Variants in SUMF1 observed in about 807,000 individuals in gnomAD.
The protein encoded by SUMF1 is formylglycine-generating enzyme.
In SUMF1, 48 loss-of-function variants were observed where a neutral mutation model predicts 47.6. The ratio of observed to expected loss-of-function variants is 1.01; its 90% CI spans 0.80 to 1.28. The LOEUF (loss-of-function observed/expected upper bound fraction) is 1.28, where lower values mean the gene tolerates loss of function less well. Ranked by LOEUF, SUMF1 falls within the 50% of genes most tolerant of loss-of-function variation. The probability of loss-of-function intolerance (pLI) is 0.00; values close to 1 mark genes in which losing one functional copy is unlikely to be tolerated. For missense variants in SUMF1, 571 were observed against 485.4 expected (o/e 1.18, Z -1.66); for synonymous variants, 230 against 192.1 (o/e 1.20, Z -1.63).
chr3:4,443,916 A>G (rs1261227107), intron 3 of SUMF1, among the ~76,000 whole-genome samples: 6 of 152,186 alleles, frequency 3.9e-5, no homozygotes, highest in African/African-American at 1.4e-4. Context: ...AAAGTATAAC[A>G]GAAAAATTTC....
intron 9 of SUMF1, among the ~76,000 whole-genome samples, chr3:4,066,565 A>T (rs1467981878): frequency 6.6e-6 from 1 of 152,068 alleles, no homozygotes; most frequent in Non-Finnish European, 1.5e-5. Context: ...AACTCACCAG[A>T]TCGGTGAGAT....
chr3:4,448,241 T>C (rs1702850144), intron 3 of SUMF1, among the ~76,000 whole-genome samples: 1 of 152,170 alleles, frequency 6.6e-6, no homozygotes, highest in South Asian at 2.1e-4. Context: ...TTCCCCCACA[T>C]TTTTCTATAT....
At chr3:4,131,927 T>C (rs1380439836) in intron 8 of SUMF1, among the ~76,000 whole-genome samples, 1 of 152,126 alleles carries the variant, frequency 6.6e-6, no homozygotes, top group African/African-American at 2.4e-5. Flanking sequence ...ACACATGGGC[T>C]CAGCAACATG....
chr3:4,240,726 TG>T (rs1696517106), intron 8 of SUMF1, among the ~76,000 whole-genome samples: 1 of 151,988 alleles, frequency 6.6e-6, no homozygotes, highest in Non-Finnish European at 1.5e-5. Context: ...TTTTAAGTAT[TG>T]TTTTTAAATA....
chr3:4,204,779 A>AT (rs1162111356), intron 8 of SUMF1, among the ~76,000 whole-genome samples: 1 of 150,620 alleles, frequency 6.6e-6, no homozygotes, highest in East Asian at 2.0e-4. Flanking sequence ...ACACTGATGT[A>AT]TTTTTTCAGT....
intron 8 of SUMF1, among the ~76,000 whole-genome samples, chr3:4,136,831 C>A (rs1033033910): frequency 6.6e-6 from 1 of 152,008 alleles, no homozygotes; most frequent in Non-Finnish European, 1.5e-5. Flanking sequence ...AGACACTTCT[C>A]CAAAGAAGAC....
intron 8 of SUMF1, among the ~76,000 whole-genome samples, chr3:4,181,648 G>C (rs980490238): frequency 6.6e-6 from 1 of 152,016 alleles, no homozygotes; most frequent in African/African-American, 2.4e-5. Flanking sequence ...ATAATGCCAT[G>C]ATTTTTTGAG....
intron 8 of SUMF1, among the ~76,000 whole-genome samples, chr3:4,260,473 T>G (rs941756115): frequency 6.6e-6 from 1 of 152,228 alleles, no homozygotes; most frequent in Non-Finnish European, 1.5e-5. Context: ...CCAATCTACA[T>G]GACTTTGAGC....
chr3:4,113,487 C>T (rs1253669446), intron 8 of SUMF1, among the ~76,000 whole-genome samples: 1 of 152,028 alleles, frequency 6.6e-6, no homozygotes, highest in African/African-American at 2.4e-5. Context: ...ATGATGGTGT[C>T]ACTGCTCTCC....
chr3:4,218,676 G>T (rs1205759185), intron 8 of SUMF1, among the ~76,000 whole-genome samples: 1 of 152,146 alleles, frequency 6.6e-6, no homozygotes, highest in South Asian at 2.1e-4. Context: ...TCGTGTGAGA[G>T]CATCAGTTTA....
chr3:4,233,547 A>G (rs1696346971), intron 8 of SUMF1, among the ~76,000 whole-genome samples: 1 of 152,094 alleles, frequency 6.6e-6, no homozygotes, highest in African/African-American at 2.4e-5. Context: ...TTTAACATAA[A>G]CAAAAGGCTT....
intron 8 of SUMF1, among the ~76,000 whole-genome samples, chr3:4,092,959 G>A (rs966512904): frequency 2.0e-5 from 3 of 152,004 alleles, no homozygotes; most frequent in African/African-American, 7.3e-5. Context: ...AAAACAAGGA[G>A]GAAGTTATTC....
At chr3:4,053,114 A>C (rs1435469323) in intron 9 of SUMF1, among the ~76,000 whole-genome samples, 1 of 152,080 alleles carries the variant, frequency 6.6e-6, no homozygotes, top group Non-Finnish European at 1.5e-5. Flanking sequence ...TCTTCCTTTC[A>C]CTTGAACAGT....
At chr3:4,416,630 G>C (rs1463573758) in intron 6 of SUMF1, among the ~76,000 whole-genome samples, 1 of 152,232 alleles carries the variant, frequency 6.6e-6, no homozygotes, top group East Asian at 1.9e-4. Flanking sequence ...GAGCAAGTTA[G>C]TTAACCTCTC....
intron 7 of SUMF1, among the ~76,000 whole-genome samples, chr3:4,388,723 A>T (rs1211455843): frequency 6.6e-6 from 1 of 151,910 alleles, no homozygotes; most frequent in Non-Finnish European, 1.5e-5. Flanking sequence ...TTTTGAGCAT[A>T]CCTCTTTGTG....
At chr3:4,185,358 C>T (rs1695178664) in intron 8 of SUMF1, among the ~76,000 whole-genome samples, 1 of 152,128 alleles carries the variant, frequency 6.6e-6, no homozygotes, top group Non-Finnish European at 1.5e-5. Context: ...CAGGAGATAA[C>T]AGACTTATTT....
chr3:4,359,888 C>T (rs1320588064), downstream of SUMF1, among the ~76,000 whole-genome samples: 2 of 152,124 alleles, frequency 1.3e-5, no homozygotes, highest in South Asian at 2.1e-4. Flanking sequence ...ACGATCCTCT[C>T]GCCTCGACTT....
In SUMF1 at chr3:4,241,582, A is replaced by G. The variant is rs559818805; in HGVS notation, c.1014+134748T>C. On this transcript the variant is annotated intron_variant and NMD_transcript_variant, in intron 8 of 12. Transcript: ENST00000448413. The stretch of plus-strand genomic sequence containing the variant: ...ATATATATGAGAGCTAAGAAGTGCT[A>G]AACAATGTATTTTATAATAAAATTT... Among the ~76,000 whole-genome samples, 13 of 152,286 alleles carry G rather than the reference A, an allele frequency of 8.5e-5. No individual in the cohort carries two copies. The South Asian group carries it at 2.7e-3, about 32-fold the overall frequency.
At chr3:4,151,944 T>C (rs900146400) in intron 8 of SUMF1, among the ~76,000 whole-genome samples, 6 of 151,590 alleles carry the variant, frequency 4.0e-5, no homozygotes, top group Non-Finnish European at 8.8e-5. Context: ...ACTTGCTGGA[T>C]GGTTTCTGAA....
Sources: gnomAD v4.1 joint callset for allele counts (sites outside exome capture counted in the v4.1 genomes callset) on GRCh38, gnomAD v4.1.1 for gene constraint, MANE v1.5 for transcripts, NCBI Gene and HGNC (gene_info 2026-07-23, HGNC 2026-07-21) for gene names.